The following CENPW variants were observed in gnomAD, a reference collection of about 807,000 sequenced individuals.
CENPW encodes the protein centromere protein W.
Under a neutral mutation model 11.1 loss-of-function variants are expected in CENPW, and 3 were observed. The observed-to-expected ratio is 0.27, with a 90% CI of 0.12 to 0.70. The LOEUF (loss-of-function observed/expected upper bound fraction) is 0.70, where lower values mean the gene tolerates loss of function less well. Ranked by LOEUF, CENPW falls within the 30% of genes least tolerant of loss-of-function variation. The pLI, the probability that CENPW is intolerant of heterozygous loss-of-function variation, is 0.77. For missense variants in CENPW, 100 were observed against 105.6 expected (o/e 0.95, Z 0.23); for synonymous variants, 38 against 42.0 (o/e 0.91, Z 0.37).
the CENPW span, among the ~76,000 whole-genome samples, chr6:126,401,514 T>C: frequency 6.6e-6 from 1 of 152,022 alleles, no homozygotes; most frequent in Non-Finnish European, 1.5e-5. Flanking sequence ...AAGTGATTCT[T>C]CCCCTTCCCT....
At chr6:126,389,893 C>A in the CENPW span, among the ~76,000 whole-genome samples, 1 of 151,890 alleles carries the variant, frequency 6.6e-6, no homozygotes. Flanking sequence ...TGCCCAAATT[C>A]ATTTCACTCT....
At chr6:126,384,199 CTAA>C in the CENPW span, among the ~76,000 whole-genome samples, 1 of 152,052 alleles carries the variant, frequency 6.6e-6, no homozygotes, top group Non-Finnish European at 1.5e-5. Flanking sequence ...TTCGTTGAAA[CTAA>C]TGAGAGCAAA....
chr6:126,430,449 T>G, the CENPW span, among the ~76,000 whole-genome samples: 8 of 152,142 alleles, frequency 5.3e-5, no homozygotes, highest in African/African-American at 1.9e-4. Context: ...CCAGCATAAT[T>G]TAAATAATTA....
the CENPW span, among the ~76,000 whole-genome samples, chr6:126,379,306 A>T: frequency 2.6e-4 from 39 of 152,144 alleles, no homozygotes; most frequent in African/African-American, 9.2e-4. Flanking sequence ...AAATTTTAAG[A>T]TTAAATTTTA....
chr6:126,375,741 AT>A, the CENPW span, among the ~76,000 whole-genome samples: 2 of 151,516 alleles, frequency 1.3e-5, no homozygotes, highest in Admixed American at 1.3e-4. Flanking sequence ...TTTATATGTT[AT>A]TCCTTTCTGC....
At chr6:126,463,813 A>G in the CENPW span, among the ~76,000 whole-genome samples, 1 of 152,094 alleles carries the variant, frequency 6.6e-6, no homozygotes, top group South Asian at 2.1e-4. Context: ...AAAACTTTCC[A>G]TAAAAACTTT....
At chr6:126,406,238 A>T in the CENPW span, among the ~76,000 whole-genome samples, 1 of 148,750 alleles carries the variant, frequency 6.7e-6, no homozygotes, top group Admixed American at 6.9e-5. Flanking sequence ...CATTCTGTTG[A>T]TATATCACAT....
At chr6:126,368,425 G>A in the CENPW span, among the ~76,000 whole-genome samples, 1 of 152,090 alleles carries the variant, frequency 6.6e-6, no homozygotes, top group Non-Finnish European at 1.5e-5. Context: ...TTGTTCTGTA[G>A]AACCCATTGA....
At chr6:126,369,323 G>C in the CENPW span, among the ~76,000 whole-genome samples, 1 of 152,116 alleles carries the variant, frequency 6.6e-6, no homozygotes, top group Non-Finnish European at 1.5e-5. Flanking sequence ...GGATCAAATG[G>C]TAGTTCTACT....
the CENPW span, among the ~76,000 whole-genome samples, chr6:126,357,046 G>A: frequency 6.6e-6 from 1 of 152,132 alleles, no homozygotes; most frequent in Non-Finnish European, 1.5e-5. Context: ...TATTTCCTAG[G>A]CTGCTTCTAT....
the CENPW span, among the ~76,000 whole-genome samples, chr6:126,437,692 G>A: frequency 8.6e-5 from 13 of 151,842 alleles, no homozygotes; most frequent in African/African-American, 3.1e-4. Context: ...ACAATTTTAA[G>A]CTCCTTGACC....
At chr6:126,391,910 C>T in the CENPW span, among the ~76,000 whole-genome samples, 1 of 151,900 alleles carries the variant, frequency 6.6e-6, no homozygotes, top group Non-Finnish European at 1.5e-5. Flanking sequence ...AATGTGATTC[C>T]TCCAGTTTTG....
chr6:126,412,894 G>A, the CENPW span, among the ~76,000 whole-genome samples: 5 of 152,064 alleles, frequency 3.3e-5, no homozygotes, highest in Non-Finnish European at 7.4e-5. Flanking sequence ...ACACAGAGCT[G>A]GGGTTTGGGA....
At chr6:126,365,118 G>A in the CENPW span, among the ~76,000 whole-genome samples, 1 of 152,050 alleles carries the variant, frequency 6.6e-6, no homozygotes, top group Non-Finnish European at 1.5e-5. Context: ...TTAATTTTGG[G>A]GTAGAAGTAG....
the CENPW span, among the ~76,000 whole-genome samples, chr6:126,449,106 AC>A: frequency 2.0e-5 from 3 of 151,108 alleles, no homozygotes; most frequent in African/African-American, 7.3e-5. Flanking sequence ...ATGTAAAAAA[AC>A]AAACCTTCTT....
chr6:126,431,618 G>T, the CENPW span, among the ~76,000 whole-genome samples: 2 of 152,134 alleles, frequency 1.3e-5, no homozygotes, highest in African/African-American at 4.8e-5. Context: ...CACACTACTT[G>T]CTGTAGGTGG....
chr6:126,341,714 G>A (rs763456412), intron 1 of CENPW, among the ~76,000 whole-genome samples: 2 of 152,120 alleles, frequency 1.3e-5, no homozygotes, highest in Admixed American at 1.3e-4. Flanking sequence ...ACATTTTTAC[G>A]TAGTATATTA....
At chr6:126,363,160 C>G in the CENPW span, among the ~76,000 whole-genome samples, 5 of 152,202 alleles carry the variant, frequency 3.3e-5, no homozygotes, top group Non-Finnish European at 5.9e-5. Context: ...GAGTTCCTAA[C>G]AGCAAATAGA....
chr6:126,440,404 A>G, the CENPW span, among the ~76,000 whole-genome samples: 1 of 151,642 alleles, frequency 6.6e-6, no homozygotes, highest in Non-Finnish European at 1.5e-5. Context: ...ACTAGGAGTT[A>G]TTATTTTGTT....
Sources: allele counts gnomAD v4.1 joint callset (sites outside exome capture counted in the v4.1 genomes callset), GRCh38; gene constraint gnomAD v4.1.1; transcripts MANE v1.5; gene names NCBI Gene and HGNC (gene_info 2026-07-23, HGNC 2026-07-21).